EIF3J: variants seen among roughly 807,000 people sequenced by gnomAD.
The protein encoded by EIF3J is eukaryotic translation initiation factor 3 subunit J, also known as eukaryotic translation initiation factor 3, subunit 1 (alpha, 35kD).
In EIF3J, 15 loss-of-function variants were observed where a neutral mutation model predicts 39.0. That is an observed-to-expected ratio of 0.38 (90% CI 0.26 to 0.59). The LOEUF (loss-of-function observed/expected upper bound fraction) is 0.59, where lower values mean the gene tolerates loss of function less well. Among genes scored for constraint, EIF3J ranks in the 20% least tolerant of loss-of-function variants. The pLI is 0.60. For synonymous variants in EIF3J, 98 were observed against 112.9 expected, an observed-to-expected ratio of 0.87 and a Z score of 0.84; for missense variants, 226 against 308.6, an observed-to-expected ratio of 0.73 and a Z score of 2.00.
intron 2 of EIF3J, among the ~76,000 whole-genome samples, chr15:44,537,778 T>A (rs960858913): frequency 6.6e-6 from 1 of 152,192 alleles, no homozygotes. Context: ...GCCTTGTAGC[T>A]TATCCATATG....
rs1357361123 is a variant in EIF3J at position 44,562,150 on chromosome 15, AGTTCTCTAC to A, written c.*1011_*1019del. The stretch of plus-strand genomic sequence containing the variant: ...TATAGAACACAGCTCTTGGGAGTAC[AGTTCTCTAC>A]GTTCTCTACTAAATCTTAATAAATG... On this transcript the variant is annotated 3_prime_UTR_variant, in exon 8 of 8. Transcript: ENST00000261868. 3.3e-5 allele frequency: 5 copies of A among 152,664 alleles called. No homozygotes were observed. The highest frequency in any genetic ancestry group is 4.1e-4 in the South Asian group (2 of 4,834). 9.5% of individuals were successfully genotyped at this position (152,664 alleles called of 1,614,324 possible).
Position 44,557,632 on chromosome 15 carries a change from C to T in EIF3J, c.553C>T (p.Arg185Ter). The T allele has an allele frequency of 2.0e-6, 3 of 1,506,472 alleles. No homozygotes were observed. Among genetic ancestry groups the T allele is most frequent in the South Asian group, 1.4e-5 (1 of 71,146 alleles). 93.3% of individuals were successfully genotyped at this position (1,506,472 alleles called of 1,614,324 possible). ...TGCCAGTTTTTTGGAAGTCTTAGTT[C>T]GAGATGTGTGTATTTCATGTAAGTA... is the stretch of plus-strand genomic sequence containing the variant. ...YYASFLEVLV[R>*]DVCISLEIDD... is the part of the protein sequence containing the mutation. The change falls in exon 6 of 8, where the codon CGA becomes TGA. Residue 185 changes from arginine to a stop codon, truncating the protein, a stop_gained. Coordinates refer to ENST00000261868, the MANE Select transcript of EIF3J (RefSeq NM_003758.4). LOFTEE classifies it high-confidence loss of function.
chr15:44,539,379 G>C (rs1208864381), intron 2 of EIF3J, among the ~76,000 whole-genome samples: 1 of 151,526 alleles, frequency 6.6e-6, no homozygotes, highest in Admixed American at 6.6e-5. Flanking sequence ...TTTACAAGTT[G>C]TAAGGGACCA....
intron 2 of EIF3J, among the ~76,000 whole-genome samples, chr15:44,547,180 G>A (rs555179521): frequency 7.2e-5 from 11 of 151,968 alleles, no homozygotes; most frequent in African/African-American, 2.7e-4. Context: ...TTTCATTCTT[G>A]TTGCCCAGGC....
chr15:44,560,787 C>T (rs1281181090), intron 7 of EIF3J, among the ~76,000 whole-genome samples: 1 of 152,118 alleles, frequency 6.6e-6, no homozygotes, highest in Non-Finnish European at 1.5e-5. Flanking sequence ...ACTTATAACC[C>T]CTGCTGGTGG....
At chr15:44,553,704 C>T (rs2082120296) in intron 4 of EIF3J, among the ~76,000 whole-genome samples, 2 of 151,882 alleles carry the variant, frequency 1.3e-5, no homozygotes, top group African/African-American at 4.8e-5. Flanking sequence ...TTTAGGTTGT[C>T]TGTAAATTTA....
chr15:44,547,852 T>A (rs1318427926), intron 2 of EIF3J, among the ~76,000 whole-genome samples: 1 of 152,124 alleles, frequency 6.6e-6, no homozygotes, highest in Non-Finnish European at 1.5e-5. Context: ...TTGGCCAGAG[T>A]ATAGGATGCT....
chr15:44,545,754 TA>T (rs1567116605), intron 2 of EIF3J, among the ~76,000 whole-genome samples: 1 of 152,234 alleles, frequency 6.6e-6, no homozygotes, highest in East Asian at 1.9e-4. Flanking sequence ...TTATTAGCTA[TA>T]ATCACCGTAC....
At chr15:44,557,120 T>C (rs946431098) in intron 5 of EIF3J, among the ~76,000 whole-genome samples, 1 of 152,194 alleles carries the variant, frequency 6.6e-6, no homozygotes, top group African/African-American at 2.4e-5. Flanking sequence ...CGTCAAATAA[T>C]GTCATTTGAG....
At chr15:44,545,483 A>G (rs1379941443) in intron 2 of EIF3J, among the ~76,000 whole-genome samples, 2 of 152,238 alleles carry the variant, frequency 1.3e-5, no homozygotes, top group Non-Finnish European at 2.9e-5. Context: ...TTTGTAAGCA[A>G]GTGTTTAAAA....
At chr15:44,538,723 C>T (rs2081982708) in intron 2 of EIF3J, among the ~76,000 whole-genome samples, 1 of 152,178 alleles carries the variant, frequency 6.6e-6, no homozygotes, top group Non-Finnish European at 1.5e-5. Flanking sequence ...AAACATGGGA[C>T]TAGATTTTGT....
intron 2 of EIF3J, among the ~76,000 whole-genome samples, chr15:44,544,020 C>G (rs1300560665): frequency 2.0e-5 from 3 of 151,882 alleles, no homozygotes; most frequent in Non-Finnish European, 2.9e-5. Context: ...TTATTTTCAG[C>G]CATACTTCTT....
rs1278908659 is a variant in EIF3J, at chr15:44,562,625, G to GTAAAT, written c.*1482_*1486dup. ...TAGTGACTACACAGCAATAATTACA[G>GTAAAT]TAAATTAAATAAAGATTCCTTTAAG... On this transcript the variant is annotated 3_prime_UTR_variant, in exon 8 of 8. Transcript: ENST00000261868. 5 of 155,492 alleles carry GTAAAT rather than the reference G, an allele frequency of 3.2e-5. No individual in the cohort carries two copies. The highest frequency in any genetic ancestry group is 1.2e-4 in the African/African-American group (5 of 41,448). 9.6% of individuals were successfully genotyped at this position (155,492 alleles called of 1,614,324 possible).
chr15:44,551,082 T>G, intron 3 of EIF3J, 152 bp downstream of exon 3: 1 of 1,315,706 alleles, frequency 7.6e-7, no homozygotes, highest in Non-Finnish European at 1.0e-6. Flanking sequence ...CTGTTTTCCC[T>G]GCAACTTTTC....
At chr15:44,555,328 G>A (rs1327629690) in intron 5 of EIF3J, among the ~76,000 whole-genome samples, 1 of 152,178 alleles carries the variant, frequency 6.6e-6, no homozygotes. Context: ...CAGAGTAGAA[G>A]ATCATGTTGA....
Position 44,551,507 on chromosome 15 carries a change from A to G in EIF3J, c.279A>G (p.Glu93=). 1 of 1,591,148 alleles carries G rather than the reference A, an allele frequency of 6.3e-7. No individual in the cohort carries two copies. The highest frequency in any genetic ancestry group is 1.2e-5 in the South Asian group (1 of 86,758). The change falls in exon 4 of 8, where the codon GAA becomes GAG. Residue 93 remains glutamate, a synonymous_variant. Coordinates refer to ENST00000261868, the MANE Select transcript of EIF3J (RefSeq NM_003758.4). ...EKERQQKKRQ[E]EIKKRLEEPE... ...AACGGCAACAGAAGAAAAGGCAAGA[A>G]GAAATTAAAAAGAGGGTAAATTCTG...
At chr15:44,539,710 T>G (rs1193778506) in intron 2 of EIF3J, among the ~76,000 whole-genome samples, 1 of 151,602 alleles carries the variant, frequency 6.6e-6, no homozygotes, top group Non-Finnish European at 1.5e-5. Context: ...CCAGTTGCTG[T>G]TTTAGTGCTA....
intron 2 of EIF3J, among the ~76,000 whole-genome samples, chr15:44,547,839 C>T (rs940868964): frequency 6.6e-6 from 1 of 152,054 alleles, no homozygotes; most frequent in African/African-American, 2.4e-5. Context: ...AATAAATGAG[C>T]TATTGGCCAG....
At chr15:44,540,380 A>G (rs1389597038) in intron 2 of EIF3J, among the ~76,000 whole-genome samples, 1 of 151,136 alleles carries the variant, frequency 6.6e-6, no homozygotes, top group South Asian at 2.1e-4. Context: ...CTGGGATTAC[A>G]GATGTGAGCC....
Sources: allele counts gnomAD v4.1 joint callset (sites outside exome capture counted in the v4.1 genomes callset), GRCh38; gene constraint gnomAD v4.1.1; transcripts MANE v1.5; gene names NCBI Gene and HGNC (gene_info 2026-07-23, HGNC 2026-07-21).